The following PPFIA2 variants were observed in gnomAD, a reference collection of about 807,000 sequenced individuals.
The protein encoded by PPFIA2 is PPFI scaffold protein A2.
A neutral mutation model predicts 175.5 loss-of-function variants in PPFIA2; 46 were observed. The ratio of observed to expected loss-of-function variants is 0.26; its 90% confidence interval spans 0.21 to 0.34. The LOEUF (loss-of-function observed/expected upper bound fraction) is 0.34. Among genes scored for constraint, PPFIA2 ranks in the 10% least tolerant of loss-of-function variants. The pLI, the probability that PPFIA2 is intolerant of heterozygous loss-of-function variation, is 1.00. For synonymous variants in PPFIA2, 568 were observed against 511.4 expected, an observed-to-expected ratio of 1.11 and a Z score of -1.49; for missense variants, 1,179 against 1,506.1, an observed-to-expected ratio of 0.78 and a Z score of 3.60.
chr12:81,444,512 G>A (rs2050856536), intron 6 of PPFIA2, among the ~76,000 whole-genome samples: 2 of 152,010 alleles, frequency 1.3e-5, no homozygotes, highest in African/African-American at 2.4e-5. Context: ...ATTCATTTCT[G>A]TTTTATTCAA....
At chr12:81,641,971 A>G (rs2065025815) in intron 4 of PPFIA2, among the ~76,000 whole-genome samples, 1 of 152,134 alleles carries the variant, frequency 6.6e-6, no homozygotes. Flanking sequence ...ATATTCTTGC[A>G]TTCATGTGTT....
chr12:81,642,614 CAT>C (rs1164122319), intron 4 of PPFIA2, among the ~76,000 whole-genome samples: 2 of 86,982 alleles, frequency 2.3e-5, no homozygotes, highest in African/African-American at 9.3e-5. Context: ...TATACACACA[CAT>C]AATAGATACT....
intron 2 of PPFIA2, among the ~76,000 whole-genome samples, chr12:81,754,519 T>G (rs1450929598): frequency 6.6e-6 from 1 of 152,212 alleles, no homozygotes; most frequent in African/African-American, 2.4e-5. Context: ...TCCCACCTAA[T>G]TCAATTTACA....
chr12:81,533,743 C>CTATA (rs912634538), intron 4 of PPFIA2, among the ~76,000 whole-genome samples: 2 of 106,000 alleles, frequency 1.9e-5, no homozygotes, highest in Non-Finnish European at 4.0e-5. Flanking sequence ...ATCTATATAT[C>CTATA]TATCTATCTA....
At chr12:81,640,724 T>C (rs532535252) in intron 4 of PPFIA2, among the ~76,000 whole-genome samples, 1 of 152,264 alleles carries the variant, frequency 6.6e-6, no homozygotes, top group Non-Finnish European at 1.5e-5. Flanking sequence ...CTATTCACAA[T>C]ACTACCAAGA....
intron 24 of PPFIA2, among the ~76,000 whole-genome samples, chr12:81,285,647 G>A (rs758555076): frequency 6.6e-6 from 1 of 151,994 alleles, no homozygotes; most frequent in Non-Finnish European, 1.5e-5. Flanking sequence ...TTATACCATC[G>A]TAGTGCAATG....
intron 7 of PPFIA2, among the ~76,000 whole-genome samples, chr12:81,434,474 T>C (rs1177351687): frequency 6.6e-6 from 1 of 152,074 alleles, no homozygotes; most frequent in Non-Finnish European, 1.5e-5. Context: ...CCTGAAATAT[T>C]GTAATTTTAA....
At chr12:81,607,131 T>C (rs1449115646) in intron 4 of PPFIA2, among the ~76,000 whole-genome samples, 2 of 151,968 alleles carry the variant, frequency 1.3e-5, no homozygotes, top group Non-Finnish European at 2.9e-5. Context: ...GTAGGTGGTA[T>C]CTTTATTTCT....
intron 4 of PPFIA2, among the ~76,000 whole-genome samples, chr12:81,641,961 A>G (rs2065024761): frequency 6.6e-6 from 1 of 152,134 alleles, no homozygotes; most frequent in African/African-American, 2.4e-5. Context: ...TAACACTTTC[A>G]TATTCTTGCA....
At chr12:81,735,328 T>G (rs66753339) in intron 3 of PPFIA2, among the ~76,000 whole-genome samples, 1 of 151,720 alleles carries the variant, frequency 6.6e-6, no homozygotes, top group African/African-American at 2.4e-5. Flanking sequence ...TGGTTTTAAT[T>G]TGAAATTCCT....
intron 4 of PPFIA2, among the ~76,000 whole-genome samples, chr12:81,493,272 T>C (rs185595194): frequency 4.7e-4 from 71 of 152,172 alleles, no homozygotes; most frequent in African/African-American, 1.7e-3. Context: ...CTTAAATCTC[T>C]AATTCAGCCC....
At chr12:81,370,633 C>T (rs1401597154) in intron 11 of PPFIA2, among the ~76,000 whole-genome samples, 6 of 151,828 alleles carry the variant, frequency 4.0e-5, no homozygotes, top group African/African-American at 1.4e-4. Flanking sequence ...ATAGGCAGCA[C>T]AGTTTCCTTG....
intron 3 of PPFIA2, among the ~76,000 whole-genome samples, chr12:81,695,862 G>C (rs2075837353): frequency 6.6e-6 from 1 of 152,070 alleles, no homozygotes; most frequent in African/African-American, 2.4e-5. Flanking sequence ...GCAATTCCCT[G>C]ACCTCATTTC....
At chr12:81,673,645 C>A (rs1398339807) in intron 4 of PPFIA2, among the ~76,000 whole-genome samples, 1 of 151,896 alleles carries the variant, frequency 6.6e-6, no homozygotes, top group African/African-American at 2.4e-5. Flanking sequence ...TATAGAATAT[C>A]TTTTGATATA....
rs559048067 is a variant in PPFIA2 at position 81,310,674 on chromosome 12, G to C, written c.2643-11292C>G. Among the ~76,000 whole-genome samples, 15 of 152,152 alleles carry C rather than the reference G, an allele frequency of 9.9e-5. No homozygotes were observed. The East Asian group carries it at 2.9e-3, about 29-fold the overall frequency. ...CTATAATATTTGTTATTTTCAAAAA[G>C]AGCTTACAATATTCATTTGGCCAAC... is the stretch of plus-strand genomic sequence containing the variant. On this transcript the variant is annotated intron_variant, in intron 22 of 32. Coordinates refer to ENST00000549396, the MANE Select transcript of PPFIA2 (RefSeq NM_003625.5).
chr12:81,374,213 C>T (rs2035848100), intron 11 of PPFIA2, among the ~76,000 whole-genome samples: 1 of 152,062 alleles, frequency 6.6e-6, no homozygotes, highest in Admixed American at 6.6e-5. Flanking sequence ...CTTCCCACTT[C>T]TAACAAGTTT....
chr12:81,658,136 C>T (rs1418795947), intron 4 of PPFIA2, among the ~76,000 whole-genome samples: 1 of 151,866 alleles, frequency 6.6e-6, no homozygotes. Context: ...GGCATTGTGT[C>T]ATATGCCTGT....
At chr12:81,463,867 T>G (rs1016295787) in intron 4 of PPFIA2, among the ~76,000 whole-genome samples, 1 of 152,248 alleles carries the variant, frequency 6.6e-6, no homozygotes, top group Admixed American at 6.6e-5. Flanking sequence ...GAAAATAAAA[T>G]AACTTTCTTT....
At chr12:81,386,181 G>A (rs1207251391) in intron 8 of PPFIA2, among the ~76,000 whole-genome samples, 1 of 151,688 alleles carries the variant, frequency 6.6e-6, no homozygotes, top group African/African-American at 2.4e-5. Context: ...AAGAGGCTGA[G>A]GCAAAAGGAT....
Sources: allele counts gnomAD v4.1 joint callset (sites outside exome capture counted in the v4.1 genomes callset), GRCh38; gene constraint gnomAD v4.1.1; transcripts MANE v1.5; gene names NCBI Gene and HGNC (gene_info 2026-07-23, HGNC 2026-07-21).